Variants in BNC2 observed in about 807,000 individuals in gnomAD.
BNC2 encodes zinc finger protein basonuclin-2.
In BNC2, 20 loss-of-function variants were observed where a neutral mutation model predicts 76.3. The ratio of observed to expected loss-of-function variants is 0.26; its 90% CI spans 0.18 to 0.38. BNC2 has a LOEUF of 0.38. Among genes scored for constraint, BNC2 ranks in the 10% least tolerant of loss-of-function variants. The pLI is 1.00. For synonymous variants in BNC2, 582 were observed against 514.8 expected (o/e 1.13, Z -1.77); for missense variants, 1,382 against 1,399.8 (o/e 0.99, Z 0.20).
intron 3 of BNC2, among the ~76,000 whole-genome samples, chr9:16,716,055 T>C (rs573808975): frequency 6.6e-5 from 10 of 152,248 alleles, no homozygotes; most frequent in African/African-American, 2.4e-4. Flanking sequence ...TCAACAATCT[T>C]TACATTGGTT....
intron 3 of BNC2, among the ~76,000 whole-genome samples, chr9:16,647,351 G>C (rs573831107): frequency 6.6e-6 from 1 of 152,136 alleles, no homozygotes; most frequent in African/African-American, 2.4e-5. Flanking sequence ...TGGTACGGGT[G>C]GGGGCCGGTA....
intron 3 of BNC2, among the ~76,000 whole-genome samples, chr9:16,642,689 A>C (rs1293011877): frequency 6.6e-6 from 1 of 152,242 alleles, no homozygotes; most frequent in East Asian, 1.9e-4. Context: ...GAAGAAAAAC[A>C]GTGAGTGCCT....
intron 4 of BNC2, chr9:16,579,903 A>G (rs1819584521): frequency 5.1e-6 from 2 of 390,680 alleles, no homozygotes; most frequent in East Asian, 3.6e-5. Flanking sequence ...AGCAGATATT[A>G]AAAATTTTTT....
intron 1 of BNC2, among the ~76,000 whole-genome samples, chr9:16,779,902 T>C (rs1377923813): frequency 6.6e-6 from 1 of 151,978 alleles, no homozygotes; most frequent in Non-Finnish European, 1.5e-5. Flanking sequence ...ATAAAAACGG[T>C]TTAAAATTGA....
chr9:16,462,424 G>C (rs10962425), intron 5 of BNC2, among the ~76,000 whole-genome samples: 5 of 151,948 alleles, frequency 3.3e-5, no homozygotes, highest in Admixed American at 3.3e-4. Flanking sequence ...TGAATTAAAT[G>C]TTTGCCTTTA....
chr9:16,644,790 C>G (rs1205635963), intron 3 of BNC2, among the ~76,000 whole-genome samples: 1 of 152,196 alleles, frequency 6.6e-6, no homozygotes, highest in African/African-American at 2.4e-5. Flanking sequence ...ATGAGCTTCC[C>G]AATGGAGAGT....
intron 1 of BNC2, among the ~76,000 whole-genome samples, chr9:16,756,628 C>G (rs1050028029): frequency 6.6e-6 from 1 of 152,194 alleles, no homozygotes; most frequent in Admixed American, 6.5e-5. Context: ...GACATTCTTT[C>G]TTTGCTTTAA....
At chr9:16,564,104 A>G (rs866615380) in intron 4 of BNC2, among the ~76,000 whole-genome samples, 4 of 152,190 alleles carry the variant, frequency 2.6e-5, no homozygotes, top group African/African-American at 9.6e-5. Context: ...AAATAATGAC[A>G]GAAAGCAACA....
Position 16,416,869 on chromosome 9 carries a change from C to G in BNC2, c.*2120G>C, listed in dbSNP as rs549143910. 2 of 152,580 alleles carry G rather than the reference C, an allele frequency of 1.3e-5. No individual in the cohort carries two copies. The highest frequency in any genetic ancestry group is 4.1e-4 in the South Asian group (2 of 4,820). The allele number at this position is 152,580 out of a possible 1,614,324, so 9.5% of individuals were successfully genotyped here. A position where few individuals can be genotyped will look rare whatever the true frequency, so the allele number is the denominator to read the frequency against. Reference sequence around the variant, plus strand: ...ATACTGTGAGGTACAATAAATCCTACAGGAATAATAACAACAGAAACATAT... The same window carrying G: ...ATACTGTGAGGTACAATAAATCCTAGAGGAATAATAACAACAGAAACATAT... On this transcript the variant is annotated 3_prime_UTR_variant, in exon 7 of 7. Transcript: ENST00000380672.
At position 16,766,663 on chromosome 9, in the gene BNC2, G is replaced by C. The variant is rs546845546; in HGVS notation, c.4-28178C>G. Among the ~76,000 whole-genome samples the C allele has an allele frequency of 5.3e-5, 8 of 152,274 alleles. No individual in the cohort carries two copies. In the South Asian group the frequency reaches 1.7e-3, roughly 32 times the overall value. Reference sequence around the variant, plus strand: ...TCATACCTTGGTCTTTACTTCTCCAGACCACAAAAATTAGTTCATTTCTCA... The same window carrying C: ...TCATACCTTGGTCTTTACTTCTCCACACCACAAAAATTAGTTCATTTCTCA... On this transcript the variant is annotated intron_variant, in intron 1 of 6. Transcript: ENST00000380672.
chr9:16,625,299 A>G (rs1237620281), intron 3 of BNC2, among the ~76,000 whole-genome samples: 2 of 152,164 alleles, frequency 1.3e-5, no homozygotes, highest in Non-Finnish European at 1.5e-5. Context: ...AGTTGTGGTA[A>G]TTCAATCCCT....
At chr9:16,592,003 G>A (rs1219200820) in intron 3 of BNC2, among the ~76,000 whole-genome samples, 3 of 152,066 alleles carry the variant, frequency 2.0e-5, no homozygotes, top group Non-Finnish European at 4.4e-5. Context: ...AGATTCGCAA[G>A]AGCCTGGGTT....
intron 3 of BNC2, among the ~76,000 whole-genome samples, chr9:16,711,408 G>A (rs1336468211): frequency 6.6e-6 from 1 of 152,104 alleles, no homozygotes; most frequent in African/African-American, 2.4e-5. Context: ...TTAAAACGGA[G>A]TTTACATCCA....
At chr9:16,665,870 G>C (rs1050899858) in intron 3 of BNC2, among the ~76,000 whole-genome samples, 1 of 151,874 alleles carries the variant, frequency 6.6e-6, no homozygotes, top group Admixed American at 6.6e-5. Flanking sequence ...ACCTCTCCTA[G>C]TAAATCATCT....
intron 4 of BNC2, among the ~76,000 whole-genome samples, chr9:16,581,577 T>C (rs1385554310): frequency 1.3e-5 from 2 of 152,140 alleles, no homozygotes; most frequent in Non-Finnish European, 2.9e-5. Flanking sequence ...AGCCTCAGAA[T>C]GAAACCAACC....
chr9:16,527,979 A>T (rs543044085), intron 5 of BNC2, among the ~76,000 whole-genome samples: 1 of 152,298 alleles, frequency 6.6e-6, no homozygotes, highest in South Asian at 2.1e-4. Flanking sequence ...ATGAATTTGC[A>T]AGAACAGCTT....
chr9:16,444,951 G>A (rs1392904224), intron 5 of BNC2, among the ~76,000 whole-genome samples: 4 of 149,436 alleles, frequency 2.7e-5, no homozygotes, highest in Admixed American at 2.0e-4. Context: ...TCCCTTTTTT[G>A]TTAGATTATG....
chr9:16,507,967 T>A (rs951710414), intron 5 of BNC2, among the ~76,000 whole-genome samples: 3 of 152,228 alleles, frequency 2.0e-5, no homozygotes, highest in Admixed American at 2.0e-4. Flanking sequence ...CCAATGAGAA[T>A]GCAAATTACA....
chr9:16,419,392 G>C lies in BNC2; in HGVS notation c.2897C>G (p.Ser966Cys). 1 of 1,601,794 alleles carries C rather than the reference G, an allele frequency of 6.2e-7. No homozygotes were observed. The change falls in exon 7 of 7, where the codon TCC (serine) becomes TGC (cysteine). Residue 966 changes from serine (S) to cysteine (C), a missense_variant. Transcript: ENST00000380672. Reference sequence around the variant, plus strand: ...GATACTGCTGCTGGACTGGAGGCTGGAGGTGGTGCTCAAGTCAAGGACCAT... The same window carrying C: ...GATACTGCTGCTGGACTGGAGGCTGCAGGTGGTGCTCAAGTCAAGGACCAT... ...DYMVLDLSTT[S>C]SLQSSSSIHS...
Sources: gnomAD v4.1 joint callset for allele counts (sites outside exome capture counted in the v4.1 genomes callset) on GRCh38, gnomAD v4.1.1 for gene constraint, MANE v1.5 for transcripts, NCBI Gene and HGNC (gene_info 2026-07-23, HGNC 2026-07-21) for gene names.